SLC29A4: variants seen among roughly 807,000 people sequenced by gnomAD.
SLC29A4 encodes equilibrative nucleoside transporter 4.
In SLC29A4, 36 loss-of-function variants were observed where a neutral mutation model predicts 43.9. The ratio of observed to expected loss-of-function variants is 0.82; its 90% CI spans 0.63 to 1.08. The LOEUF (loss-of-function observed/expected upper bound fraction) is 1.08. Among genes scored for constraint, SLC29A4 ranks in the 50% least tolerant of loss-of-function variants. SLC29A4 has a pLI of 0.00. For synonymous variants in SLC29A4, 491 were observed against 338.0 expected (o/e 1.45, Z -4.97); for missense variants, 869 against 755.3 (o/e 1.15, Z -1.77).
At position 5,290,920 on chromosome 7, in the gene SLC29A4, C is replaced by A; in HGVS notation, c.301+57C>A. 8 of 1,567,978 alleles carry A rather than the reference C, an allele frequency of 5.1e-6. 1 individual carries two copies. The South Asian group carries it at 9.3e-5, about 18-fold the overall frequency. ...CAGCATCCTCCATCATGGCCTGGGG[C>A]CTCCCAGAAACCCCCGGCGGGGAGG... is the stretch of plus-strand genomic sequence containing the variant. On this transcript the variant is annotated intron_variant, in intron 3 of 10. Transcript: ENST00000396872.
chr7:5,283,670 G>A (rs1562436818), intron 1 of SLC29A4, among the ~76,000 whole-genome samples: 1 of 152,224 alleles, frequency 6.6e-6, no homozygotes, highest in Admixed American at 6.5e-5. Flanking sequence ...GGGGTGGCCG[G>A]AGGGGCTTGT....
chr7:5,296,765 GGGTGGGGGCAGGGCCTGT>G (rs1562450302), intron 6 of SLC29A4, among the ~76,000 whole-genome samples, 153 bp from the exon 7 acceptor site: 3 of 130,410 alleles, frequency 2.3e-5, no homozygotes, highest in African/African-American at 1.0e-4. Context: ...CGGGGCCTGT[GGGTGGGGGCAGGGCCTGT>G]GGTGGAGGGC....
In SLC29A4 at chr7:5,288,866, G is replaced by C. The variant is rs1433619480; in HGVS notation, c.169+881G>C. On this transcript the variant is annotated intron_variant, in intron 2 of 10. Transcript: ENST00000396872. ...CAGCCCACAGGCTTGGAGTCTGACAGGCTCGGGTTCAAGCCTACCTCCCAT... is the reference window on the plus strand; with the variant it reads ...CAGCCCACAGGCTTGGAGTCTGACACGCTCGGGTTCAAGCCTACCTCCCAT... Among the ~76,000 whole-genome samples the C allele has an allele frequency of 2.0e-5, 3 of 152,126 alleles. No homozygotes were observed. The South Asian group carries it at 6.2e-4, about 31-fold the overall frequency.
intron 5 of SLC29A4, among the ~76,000 whole-genome samples, chr7:5,293,813 A>G (rs1785469091): frequency 6.6e-6 from 1 of 152,048 alleles, no homozygotes; most frequent in African/African-American, 2.4e-5. Flanking sequence ...CTAATTTTTA[A>G]AAAATTTTTG....
In SLC29A4 at chr7:5,302,978, C is replaced by A. The variant is rs908477877; in HGVS notation, c.*39C>A. The A allele has an allele frequency of 3.2e-6, 5 of 1,583,056 alleles. No homozygotes were observed. Among genetic ancestry groups the A allele is most frequent in the Admixed American group, 3.6e-5 (2 of 55,630 alleles). ...ACTGCCAGGGACGCCGAGGGCCTGA[C>A]CAGGGGCCCCGAGGCCTGAGGGCCC... is the stretch of plus-strand genomic sequence containing the variant. On this transcript the variant is annotated 3_prime_UTR_variant, in exon 11 of 11. Transcript: ENST00000396872.
chr7:5,303,008 C>T lies in SLC29A4; in HGVS notation c.*69C>T, dbSNP rs1021053850. Reference sequence around the variant, plus strand: ...GGCCCCGAGGCCTGAGGGCCCCTCCCCTGTCCCCACCTCAGTGCCTGCGGG... The same window carrying T: ...GGCCCCGAGGCCTGAGGGCCCCTCCTCTGTCCCCACCTCAGTGCCTGCGGG... On this transcript the variant is annotated 3_prime_UTR_variant, in exon 11 of 11. Transcript: ENST00000396872. The T allele has an allele frequency of 2.9e-5, 44 of 1,525,872 alleles. No individual in the cohort carries two copies. The African/African-American group carries it at 4.7e-4, about 16-fold the overall frequency. The allele number at this position is 1,525,872 out of a possible 1,614,324, so 94.5% of individuals were successfully genotyped here. A position where few individuals can be genotyped will look rare whatever the true frequency, so the allele number is the denominator to read the frequency against.
At chr7:5,291,591 G>A in intron 4 of SLC29A4, 102 bp from the exon 5 acceptor site, 1 of 1,446,782 alleles carries the variant, frequency 6.9e-7, no homozygotes, top group Non-Finnish European at 9.3e-7. Flanking sequence ...TAAAGGGGAA[G>A]GGCAGAGAAA....
intron 6 of SLC29A4, among the ~76,000 whole-genome samples, 169 bp downstream of exon 6, chr7:5,295,103 G>A (rs1289384369): frequency 6.6e-6 from 1 of 152,142 alleles, no homozygotes; most frequent in African/African-American, 2.4e-5. Flanking sequence ...CTGGCTGGGG[G>A]TAGAAAAGGG....
intron 10 of SLC29A4, 42 bp downstream of exon 10, chr7:5,300,704 A>G (rs1344067627): frequency 1.3e-6 from 2 of 1,591,788 alleles, no homozygotes; most frequent in Non-Finnish European, 1.7e-6. Flanking sequence ...TCCTCCCAGC[A>G]GCGCAATGCC....
intron 1 of SLC29A4, among the ~76,000 whole-genome samples, chr7:5,286,277 C>G (rs894641140): frequency 4.6e-5 from 7 of 152,194 alleles, no homozygotes; most frequent in African/African-American, 1.2e-4. Flanking sequence ...GTAATCCTAG[C>G]ACTTTGGGAG....
rs765611746 is a variant in SLC29A4 at position 5,290,911 on chromosome 7, G to T, written c.301+48G>T. 1.9e-6 allele frequency: 3 copies of T among 1,571,436 alleles called. No individual in the cohort carries two copies. In the East Asian group the frequency reaches 6.8e-5, roughly 36 times the overall value. ...CCAGCCACTCAGCATCCTCCATCAT[G>T]GCCTGGGGCCTCCCAGAAACCCCCG... On this transcript the variant is annotated intron_variant, in intron 3 of 10. Transcript: ENST00000396872.
At chr7:5,300,759 G>A in intron 10 of SLC29A4, 97 bp downstream of exon 10, 2 of 1,470,466 alleles carry the variant, frequency 1.4e-6, no homozygotes, top group East Asian at 2.4e-5. Flanking sequence ...AGGTGCATTT[G>A]GGTTCCGGGG....
chr7:5,293,162 C>CTTTTTT (rs58758343), intron 5 of SLC29A4, among the ~76,000 whole-genome samples: 5 of 117,274 alleles, frequency 4.3e-5, no homozygotes, highest in African/African-American at 1.1e-4. Context: ...TTTTTTTTCT[C>CTTTTTT]TTTTTTTTTT....
At position 5,300,656 on chromosome 7, in the gene SLC29A4, C is replaced by CTGG; in HGVS notation, c.1445_1447dup (p.Leu482_Ala483insVal). The CTGG allele has an allele frequency of 6.2e-7, 1 of 1,607,884 alleles. No individual in the cohort carries two copies. Among genetic ancestry groups the CTGG allele is most frequent in the Non-Finnish European group, 8.5e-7 (1 of 1,178,746 alleles). Reference sequence around the variant, plus strand: ...CAAAGTGAGCCCCAAGCAGCGGGAGCTGGCAGGTGAGGCCCGCGGGACGTG... The same window carrying CTGG: ...CAAAGTGAGCCCCAAGCAGCGGGAGCTGGTGGCAGGTGAGGCCCGCGGGACGTG... On this transcript the variant is annotated inframe_insertion, in exon 10 of 11. Coordinates refer to ENST00000396872, the MANE Select transcript of SLC29A4 (RefSeq NM_153247.4).
At chr7:5,295,914 C>T (rs528155370) in intron 6 of SLC29A4, among the ~76,000 whole-genome samples, 3 of 151,334 alleles carry the variant, frequency 2.0e-5, no homozygotes, top group Admixed American at 2.0e-4. Context: ...ATGCTCAGAG[C>T]CCTGTCCACC....
rs776194000 is a variant in SLC29A4, at chr7:5,300,424, C to T, written c.1212C>T (p.Ile404=). The part of the protein sequence containing the change: ...VFNLSDFVGK[I]LAALPVDWRG... ...CCCACTTGCCTGGCTCTCTGCAGATCCTGGCAGCCCTGCCCGTGGACTGGC... is the reference window on the plus strand; with the variant it reads ...CCCACTTGCCTGGCTCTCTGCAGATTCTGGCAGCCCTGCCCGTGGACTGGC... Residue 404 remains isoleucine (I), a splice_region_variant and synonymous_variant, in exon 10 of 11, where the codon ATC becomes ATT. Transcript: ENST00000396872. 5 of 1,611,150 alleles carry T rather than the reference C, an allele frequency of 3.1e-6. No homozygotes were observed. Among genetic ancestry groups the T allele is most frequent in the Non-Finnish European group, 3.4e-6 (4 of 1,179,696 alleles).
rs749900667 is a variant in SLC29A4, at chr7:5,291,811, C to A, written c.534C>A (p.Phe178Leu). 3 of 1,611,708 alleles carry A rather than the reference C, an allele frequency of 1.9e-6. No individual in the cohort carries two copies. Among genetic ancestry groups the A allele is most frequent in the East Asian group, 4.5e-5 (2 of 44,886 alleles). ...TGGCCGCTGTGGGCACCGTGGCCTT[C>A]GGCTGCACAGGTAGGAACCGGGGCC... ...INLAAVGTVA[F>L]GCTVQQSSFY... Residue 178 changes from phenylalanine to leucine, a missense_variant, in exon 5 of 11, where the codon TTC becomes TTA. Phe to Leu is a conservative substitution (Grantham distance 22, BLOSUM62 0). Coordinates refer to ENST00000396872, the MANE Select transcript of SLC29A4 (RefSeq NM_153247.4).
At position 5,291,783 on chromosome 7, in the gene SLC29A4, A is replaced by G. The variant is rs761644171; in HGVS notation, c.506A>G (p.Asn169Ser). The change falls in exon 5 of 11, where the codon AAC becomes AGC. Residue 169 changes from asparagine to serine, a missense_variant. Physicochemically the swap from Asn to Ser is conservative, Grantham distance 46. Transcript: ENST00000396872. ...TCTCGGGACCAGGCCTACGCCATCA[A>G]CCTGGCCGCTGTGGGCACCGTGGCC... ...LFSRDQAYAI[N>S]LAAVGTVAFG... is the part of the protein sequence containing the mutation. The G allele has an allele frequency of 6.2e-7, 1 of 1,611,926 alleles. No homozygotes were observed. The highest frequency in any genetic ancestry group is 8.5e-7 in the Non-Finnish European group (1 of 1,179,768).
At chr7:5,298,030 C>T (rs1292713247) in intron 7 of SLC29A4, among the ~76,000 whole-genome samples, 1 of 152,194 alleles carries the variant, frequency 6.6e-6, no homozygotes, top group African/African-American at 2.4e-5. Context: ...CTTGGGGACA[C>T]CTGCAGGGTG....
Sources: gnomAD v4.1 joint callset for allele counts (sites outside exome capture counted in the v4.1 genomes callset) on GRCh38, gnomAD v4.1.1 for gene constraint, MANE v1.5 for transcripts, NCBI Gene and HGNC (gene_info 2026-07-23, HGNC 2026-07-21) for gene names.